Variants in TCN1 observed in about 807,000 individuals in gnomAD.
The protein encoded by TCN1 is transcobalamin-1.
Under a neutral mutation model 46.3 loss-of-function variants are expected in TCN1, and 47 were observed. The observed-to-expected ratio is 1.01, with a 90% CI of 0.80 to 1.29. The LOEUF (loss-of-function observed/expected upper bound fraction) is 1.29, where lower values mean the gene tolerates loss of function less well. TCN1 is among the 50% of genes most tolerant of loss of function. The pLI, the probability that TCN1 is intolerant of heterozygous loss-of-function variation, is 0.00. For synonymous variants in TCN1, 183 were observed against 192.5 expected, an observed-to-expected ratio of 0.95 and a Z score of 0.41; for missense variants, 532 against 511.0, an observed-to-expected ratio of 1.04 and a Z score of -0.40.
intron 1 of TCN1, among the ~76,000 whole-genome samples, chr11:59,865,523 G>C (rs1027117475): frequency 6.6e-6 from 1 of 152,088 alleles, no homozygotes; most frequent in African/African-American, 2.4e-5. Context: ...GTCTTCTGTG[G>C]TGTTCTCTTC....
chr11:59,863,937 G>A lies in TCN1; in HGVS notation c.229C>T (p.Gln77Ter), dbSNP rs781394535. 35 of 1,613,628 alleles carry A rather than the reference G, an allele frequency of 2.2e-5. No individual in the cohort carries two copies. The highest frequency in any genetic ancestry group is 2.9e-5 in the Non-Finnish European group (34 of 1,179,800). ...CTTTTCACATTGTATTTGATTTGTT[G>A]GATCATCTTTTGCATCAGGGTTTGG... ...QIQTLMQKMI[Q>*]QIKYNVKSRL... The change falls in exon 2 of 9, where the codon CAA becomes TAA. Residue 77 changes from glutamine to a stop codon, truncating the protein, a stop_gained. Transcript: ENST00000257264. LOFTEE classifies it high-confidence loss of function.
In TCN1 at chr11:59,856,030, T is replaced by C. The variant is rs139595894; in HGVS notation, c.776A>G (p.Asn259Ser). Residue 259 changes from asparagine to serine, a missense_variant, in exon 6 of 9, where the codon AAT becomes AGT. Physicochemically the swap from Asn to Ser is conservative, Grantham distance 46. Coordinates refer to ENST00000257264, the MANE Select transcript of TCN1 (RefSeq NM_001062.4). Reference sequence around the variant, plus strand: ...TTGTTGGCAATTCCAGTCATTTTCATTATAATAGTCTGATGATACAAAGAG... The same window carrying C: ...TTGTTGGCAATTCCAGTCATTTTCACTATAATAGTCTGATGATACAAAGAG... ...QALFVSSDYY[N>S]ENDWNCQQTL... 473 of 1,608,632 alleles carry C rather than the reference T, an allele frequency of 2.9e-4. No individual in the cohort carries two copies. The highest frequency in any genetic ancestry group is 1.3e-3 in the Middle Eastern group (8 of 6,030).
intron 3 of TCN1, 136 bp from the exon 4 acceptor site, chr11:59,861,818 A>T (rs535959647): frequency 1.0e-6 from 1 of 993,312 alleles, no homozygotes; most frequent in South Asian, 1.4e-5. Context: ...GAGGTCACCC[A>T]TAGAATCAGA....
chr11:59,863,307 G>A (rs1268910657), intron 2 of TCN1, among the ~76,000 whole-genome samples: 2 of 151,800 alleles, frequency 1.3e-5, no homozygotes, highest in African/African-American at 4.8e-5. Flanking sequence ...GTGAAAAAGA[G>A]GAAAAATAGA....
intron 5 of TCN1, among the ~76,000 whole-genome samples, chr11:59,856,815 C>G (rs1477295283): frequency 6.6e-6 from 1 of 152,128 alleles, no homozygotes; most frequent in African/African-American, 2.4e-5. Context: ...GAGGAGGTGT[C>G]TGACATTATT....
intron 3 of TCN1, among the ~76,000 whole-genome samples, chr11:59,862,291 A>G (rs1486058337): frequency 1.3e-5 from 2 of 152,008 alleles, no homozygotes; most frequent in East Asian, 1.9e-4. Flanking sequence ...CTCCTGGACG[A>G]TTAGAGAATG....
In TCN1 at chr11:59,861,608, C is replaced by G; in HGVS notation, c.475G>C (p.Gly159Arg). 1 of 1,614,092 alleles carries G rather than the reference C, an allele frequency of 6.2e-7. No homozygotes were observed. The highest frequency in any genetic ancestry group is 1.1e-5 in the South Asian group (1 of 91,080). Residue 159 changes from glycine to arginine, a missense_variant, in exon 4 of 9, where the codon GGG (glycine) becomes CGG (arginine). Gly to Arg is a moderately radical substitution (Grantham distance 125). Transcript: ENST00000257264. ...LDVLALCLFN[G>R]NYSTAEVVNH... ...ACAACTTCGGCGGTTGAGTAGTTCC[C>G]ATTGAACAGACACAAGGCCAAAACG...
chr11:59,859,325 C>G (rs192398921), intron 4 of TCN1, 58 bp from the exon 5 acceptor site: 15 of 1,588,438 alleles, frequency 9.4e-6, no homozygotes, highest in Non-Finnish European at 1.3e-5. Flanking sequence ...TGTCCTGGGC[C>G]GAGAGGTTTC....
rs536746183 is a variant in TCN1, at chr11:59,855,896, T to C, written c.910A>G (p.Lys304Glu). Residue 304 changes from lysine to glutamate, a missense_variant, in exon 6 of 9, where the codon AAA (lysine) becomes GAA (glutamate). Lys to Glu is a moderately conservative substitution (Grantham distance 56, BLOSUM62 1). Coordinates refer to ENST00000257264, the MANE Select transcript of TCN1 (RefSeq NM_001062.4). ...LMGKTFLDIN[K>E]DSSCVSASGN... ...GAAGCAGAGACGCAAGAAGAGTCTT[T>C]GTTAATATCCAAGAAGGTCTTTCCC... 5.4e-5 allele frequency: 87 copies of C among 1,613,864 alleles called. 1 individual carries two copies. In the South Asian group the frequency reaches 9.2e-4, roughly 17 times the overall value.
intron 5 of TCN1, among the ~76,000 whole-genome samples, chr11:59,857,089 G>T (rs913741408): frequency 1.3e-5 from 2 of 152,048 alleles, no homozygotes; most frequent in African/African-American, 4.8e-5. Flanking sequence ...TAAGAAAAAA[G>T]AAAAACTGGT....
intron 1 of TCN1, among the ~76,000 whole-genome samples, chr11:59,866,141 G>T (rs1590868529): frequency 6.6e-6 from 1 of 152,162 alleles, no homozygotes; most frequent in Non-Finnish European, 1.5e-5. Context: ...TAGGGATGCT[G>T]TGCTAGAGAG....
intron 6 of TCN1, among the ~76,000 whole-genome samples, chr11:59,855,209 T>C (rs1479733876): frequency 6.6e-6 from 1 of 152,206 alleles, no homozygotes; most frequent in Non-Finnish European, 1.5e-5. Flanking sequence ...ACATATGAAT[T>C]GCCAGGCACT....
At chr11:59,857,203 G>A (rs548174578) in intron 5 of TCN1, among the ~76,000 whole-genome samples, 17 of 152,170 alleles carry the variant, frequency 1.1e-4, no homozygotes, top group Admixed American at 3.3e-4. Context: ...TGTGTTGTAG[G>A]CAATTAGCTC....
At chr11:59,856,326 C>T (rs1565213784) in intron 5 of TCN1, among the ~76,000 whole-genome samples, 2 of 152,056 alleles carry the variant, frequency 1.3e-5, no homozygotes, top group African/African-American at 4.8e-5. Flanking sequence ...CAGACTTTGC[C>T]ACATTCATTT....
At chr11:59,863,378 C>G (rs1453958862) in intron 2 of TCN1, among the ~76,000 whole-genome samples, 1 of 151,774 alleles carries the variant, frequency 6.6e-6, no homozygotes, top group African/African-American at 2.4e-5. Flanking sequence ...GATAGTAATT[C>G]TTGATTTTTA....
Position 59,855,906 on chromosome 11 carries a change from CAAG to C in TCN1, c.897_899del (p.Phe299del). On this transcript the variant is annotated inframe_deletion, in exon 6 of 9. Transcript: ENST00000257264. ...CGCAAGAAGAGTCTTTGTTAATATCCAAGAAGGTCTTTCCCATCAGGGCAGGTA... is the reference window on the plus strand; with the variant it reads ...CGCAAGAAGAGTCTTTGTTAATATCCAAGGTCTTTCCCATCAGGGCAGGTA... 1 of 1,613,786 alleles carries C rather than the reference CAAG, an allele frequency of 6.2e-7. No homozygotes were observed. Among genetic ancestry groups the C allele is most frequent in the Non-Finnish European group, 8.5e-7 (1 of 1,179,772 alleles).
intron 4 of TCN1, among the ~76,000 whole-genome samples, chr11:59,860,924 G>A (rs533288830): frequency 1.1e-4 from 17 of 152,326 alleles, no homozygotes; most frequent in Admixed American, 3.9e-4. Context: ...TTTGGAGAAA[G>A]ATGAACTTGT....
intron 6 of TCN1, 61 bp from the exon 7 acceptor site, chr11:59,854,896 G>T: frequency 1.9e-6 from 3 of 1,583,524 alleles, no homozygotes; most frequent in Non-Finnish European, 2.6e-6. Flanking sequence ...ATTAGAGTTT[G>T]CAGACCTACT....
chr11:59,866,114 A>T (rs116127821), intron 1 of TCN1, among the ~76,000 whole-genome samples: 6 of 152,144 alleles, frequency 3.9e-5, no homozygotes, highest in Non-Finnish European at 8.8e-5. Context: ...AAGTCACATG[A>T]ATAGGGAGTT....
Sources: allele counts gnomAD v4.1 joint callset (sites outside exome capture counted in the v4.1 genomes callset), GRCh38; gene constraint gnomAD v4.1.1; transcripts MANE v1.5; gene names NCBI Gene and HGNC (gene_info 2026-07-23, HGNC 2026-07-21).